Variants in NELL1 observed in about 807,000 individuals in gnomAD.
The protein encoded by NELL1 is neural EGFL like 1.
Under a neutral mutation model 107.4 loss-of-function variants are expected in NELL1, and 76 were observed. The observed-to-expected ratio is 0.71, with a 90% CI of 0.59 to 0.86. The LOEUF (loss-of-function observed/expected upper bound fraction) is 0.86, where lower values mean the gene tolerates loss of function less well. NELL1 is among the 40% of genes least tolerant of loss of function. The pLI is 0.00. For missense variants in NELL1, 1,024 were observed against 1,005.5 expected, an observed-to-expected ratio of 1.02 and a Z score of -0.25; for synonymous variants, 353 against 341.2, an observed-to-expected ratio of 1.03 and a Z score of -0.38.
At position 21,500,876 on chromosome 11, in the gene NELL1, C is replaced by T. The variant is rs543234946; in HGVS notation, c.1646-33498C>T. 8.5e-5 allele frequency among the ~76,000 whole-genome samples: 13 copies of T among 152,188 alleles called. No homozygotes were observed. In the South Asian group the frequency reaches 1.7e-3, roughly 19 times the overall value. On this transcript the variant is annotated intron_variant, in intron 15 of 19. Transcript: ENST00000357134. ...AACTGATGTCCAACATCATACTTGC[C>T]GTTGTTAAGTGTAAGACTCAAACTC... is the stretch of plus-strand genomic sequence containing the variant.
intron 7 of NELL1, among the ~76,000 whole-genome samples, chr11:20,925,438 CTTT>C (rs869078958): frequency 0.067 from 8,234 of 122,174 alleles, 282 homozygotes; most frequent in East Asian, 0.18. Context: ...CCACACCCGG[CTTT>C]TTTTTTTTTT....
chr11:20,892,928 CAAAA>C (rs35992813), intron 5 of NELL1, among the ~76,000 whole-genome samples: 3 of 98,396 alleles, frequency 3.0e-5, no homozygotes, highest in South Asian at 7.0e-4. Context: ...GACTGTGTCT[CAAAA>C]AAAAAAAAAA....
intron 14 of NELL1, among the ~76,000 whole-genome samples, chr11:21,238,121 C>G (rs964436281): frequency 1.3e-5 from 2 of 151,930 alleles, no homozygotes; most frequent in African/African-American, 4.8e-5. Flanking sequence ...TACTTCTTGC[C>G]CATCTTAAAC....
intron 15 of NELL1, among the ~76,000 whole-genome samples, chr11:21,431,816 G>A (rs551549712): frequency 6.6e-6 from 1 of 152,078 alleles, no homozygotes; most frequent in Non-Finnish European, 1.5e-5. Flanking sequence ...ACTCTGTTGT[G>A]CCTTGTGCTG....
chr11:21,149,306 C>T (rs564351086), intron 13 of NELL1, among the ~76,000 whole-genome samples: 1 of 152,252 alleles, frequency 6.6e-6, no homozygotes, highest in African/African-American at 2.4e-5. Context: ...TGGGCTCATG[C>T]TGCTAATAAA....
intron 15 of NELL1, among the ~76,000 whole-genome samples, chr11:21,381,990 C>T (rs1296169961): frequency 7.3e-6 from 1 of 136,122 alleles, no homozygotes; most frequent in African/African-American, 2.8e-5. Flanking sequence ...ACAGCAAGTT[C>T]TCACTGTATT....
intron 1 of NELL1, among the ~76,000 whole-genome samples, chr11:20,675,582 A>G (rs1378196634): frequency 6.6e-6 from 1 of 152,100 alleles, no homozygotes; most frequent in Non-Finnish European, 1.5e-5. Flanking sequence ...CCCAGACCAC[A>G]TTCCAAATTC....
At chr11:20,921,868 G>A (rs1850386211) in intron 7 of NELL1, among the ~76,000 whole-genome samples, 1 of 146,212 alleles carries the variant, frequency 6.8e-6, no homozygotes, top group Admixed American at 6.9e-5. Context: ...TGTTTTCCTT[G>A]GAAATAGTGA....
At chr11:21,557,365 G>A (rs914488849) in intron 16 of NELL1, among the ~76,000 whole-genome samples, 1 of 151,984 alleles carries the variant, frequency 6.6e-6, no homozygotes, top group Non-Finnish European at 1.5e-5. Context: ...CTTAATTTAT[G>A]AGAGAAAATC....
In NELL1 at chr11:20,889,438, A is replaced by G. The variant is rs56009113; in HGVS notation, c.603+3898A>G. Among the ~76,000 whole-genome samples, 1,410 of 152,314 alleles carry G rather than the reference A, an allele frequency of 9.3e-3. 15 individuals are homozygous for G. Among genetic ancestry groups the G allele is most frequent in the African/African-American group, 0.033 (1,358 of 41,568 alleles). ...GTGACATAAAGACATTAGTAGAGAA[A>G]TGAAACTCTCAGTTTATAACCAATA... On this transcript the variant is annotated intron_variant, in intron 5 of 19. Transcript: ENST00000357134.
chr11:21,035,500 A>T (rs1306260444), intron 12 of NELL1, among the ~76,000 whole-genome samples: 1 of 152,050 alleles, frequency 6.6e-6, no homozygotes, highest in African/African-American at 2.4e-5. Context: ...AAAACTGGCA[A>T]ATGAATCCAG....
chr11:20,886,833 A>G (rs1208635022), intron 5 of NELL1, among the ~76,000 whole-genome samples: 1 of 152,204 alleles, frequency 6.6e-6, no homozygotes, highest in Non-Finnish European at 1.5e-5. Context: ...AAAGTATAAT[A>G]AAATAATACC....
intron 2 of NELL1, among the ~76,000 whole-genome samples, chr11:20,681,546 C>T (rs969132066): frequency 6.6e-6 from 1 of 152,020 alleles, no homozygotes; most frequent in African/African-American, 2.4e-5. Flanking sequence ...AATTTTCCAG[C>T]CTATTATCCA....
intron 13 of NELL1, among the ~76,000 whole-genome samples, chr11:21,132,200 T>C (rs892078533): frequency 6.6e-6 from 1 of 152,024 alleles, no homozygotes; most frequent in African/African-American, 2.4e-5. Flanking sequence ...TGTGTGTGTG[T>C]GTGTGCATGT....
chr11:21,309,163 C>T (rs974091539), intron 14 of NELL1, among the ~76,000 whole-genome samples: 1 of 149,598 alleles, frequency 6.7e-6, no homozygotes, highest in Non-Finnish European at 1.5e-5. Flanking sequence ...GGTCACATAA[C>T]AAGCAGTTTG....
intron 14 of NELL1, among the ~76,000 whole-genome samples, chr11:21,259,723 T>C (rs898227850): frequency 4.6e-5 from 7 of 151,790 alleles, no homozygotes; most frequent in African/African-American, 1.7e-4. Context: ...ACCACTATAG[T>C]CCATAGACCT....
intron 13 of NELL1, chr11:21,169,957 C>G (rs1011828379): frequency 4.8e-6 from 7 of 1,444,684 alleles, no homozygotes; most frequent in South Asian, 1.1e-5. Context: ...AGAGCCCTCT[C>G]TTTGTAGGGG....
intron 14 of NELL1, among the ~76,000 whole-genome samples, chr11:21,255,793 T>G (rs1357359388): frequency 6.6e-6 from 1 of 152,066 alleles, no homozygotes; most frequent in Non-Finnish European, 1.5e-5. Flanking sequence ...CTATCCAGAT[T>G]CACTTTTTAC....
intron 12 of NELL1, among the ~76,000 whole-genome samples, chr11:20,971,371 G>C (rs1340224730): frequency 6.6e-6 from 1 of 152,036 alleles, no homozygotes; most frequent in Non-Finnish European, 1.5e-5. Context: ...AAACAGAAGG[G>C]AAAAACGTCC....
Sources: allele counts gnomAD v4.1 joint callset (sites outside exome capture counted in the v4.1 genomes callset), GRCh38; gene constraint gnomAD v4.1.1; transcripts MANE v1.5; gene names NCBI Gene and HGNC (gene_info 2026-07-23, HGNC 2026-07-21).